Variants in PCNX1 observed in about 807,000 individuals in gnomAD.
The protein encoded by PCNX1 is pecanex-like protein 1.
PCNX1 carries 78 observed loss-of-function variants against 242.2 expected under a neutral mutation model. The ratio of observed to expected loss-of-function variants is 0.32; its 90% CI spans 0.27 to 0.39. PCNX1 has a LOEUF of 0.39. Among genes scored for constraint, PCNX1 ranks in the 10% least tolerant of loss-of-function variants. The pLI is 1.00. For synonymous variants in PCNX1, 1,024 were observed against 1,032.9 expected (o/e 0.99, Z 0.17); for missense variants, 2,581 against 2,856.5 (o/e 0.90, Z 2.20).
chr14:70,954,553 T>G (rs1433127299), intron 2 of PCNX1, among the ~76,000 whole-genome samples: 3 of 152,180 alleles, frequency 2.0e-5, no homozygotes, highest in Non-Finnish European at 4.4e-5. Flanking sequence ...TACCTTTCAG[T>G]AATAGTTTTT....
chr14:70,995,851 A>G lies in PCNX1; in HGVS notation c.2555A>G (p.Asn852Ser). The change falls in exon 8 of 36, where the codon AAT becomes AGT. Residue 852 changes from asparagine to serine, a missense_variant. By Grantham distance (46) the Asn-to-Ser change is conservative. Coordinates refer to ENST00000304743, the MANE Select transcript of PCNX1 (RefSeq NM_014982.3). Reference sequence around the variant, plus strand: ...GCTAGTGCCTCCTTGCTGGTGAGAAATGGGAGTGTCCACTTAGAAGCATCA... The same window carrying G: ...GCTAGTGCCTCCTTGCTGGTGAGAAGTGGGAGTGTCCACTTAGAAGCATCA... ...LSASASLLVR[N>S]GSVHLEASHD... 1 of 1,614,026 alleles carries G rather than the reference A, an allele frequency of 6.2e-7. No individual in the cohort carries two copies. The highest frequency in any genetic ancestry group is 1.1e-5 in the South Asian group (1 of 91,086).
intron 8 of PCNX1, among the ~76,000 whole-genome samples, chr14:71,009,287 C>G (rs1207707762): frequency 6.6e-6 from 1 of 152,192 alleles, no homozygotes; most frequent in African/African-American, 2.4e-5. Flanking sequence ...TACTCACCCC[C>G]TGCAAGTAGT....
intron 26 of PCNX1, chr14:71,060,783 A>G (rs2061307278): frequency 6.6e-6 from 1 of 152,212 alleles, no homozygotes; most frequent in Admixed American, 6.6e-5. Flanking sequence ...TGGAGAAACT[A>G]CTGAAGACCA....
chr14:70,989,194 G>T (rs903481547), intron 7 of PCNX1, among the ~76,000 whole-genome samples: 2 of 151,810 alleles, frequency 1.3e-5, no homozygotes, highest in Non-Finnish European at 2.9e-5. Context: ...CTAAAACTTG[G>T]TGCCTTTTAT....
chr14:71,050,099 A>C (rs1285288001), intron 22 of PCNX1, among the ~76,000 whole-genome samples: 1 of 152,226 alleles, frequency 6.6e-6, no homozygotes, highest in Non-Finnish European at 1.5e-5. Context: ...AGTTTGGGGA[A>C]AATGTGTCTT....
intron 2 of PCNX1, among the ~76,000 whole-genome samples, chr14:70,960,378 T>G (rs1361786207): frequency 6.6e-6 from 1 of 152,018 alleles, no homozygotes; most frequent in Non-Finnish European, 1.5e-5. Flanking sequence ...AACGTTTAAG[T>G]CTTTAATCCA....
At chr14:71,078,588 C>G (rs1458900688) in intron 28 of PCNX1, 1 of 152,196 alleles carries the variant, frequency 6.6e-6, no homozygotes, top group Admixed American at 6.5e-5. Flanking sequence ...AGGGCACACG[C>G]CTTCTCCACC....
intron 26 of PCNX1, among the ~76,000 whole-genome samples, chr14:71,071,607 C>T (rs993040723): frequency 6.6e-6 from 1 of 152,308 alleles, no homozygotes; most frequent in Admixed American, 6.5e-5. Context: ...GCTTCTCCTT[C>T]ACCTTACACC....
Position 70,988,565 on chromosome 14 carries a change from A to C in PCNX1, c.2312-2A>C. Reference sequence around the variant, plus strand: ...GTTTGACCTAAGTCTGTCTTGATGCAGCAGCACAAGCCAGCGAGGAGGCAG... The same window carrying C: ...GTTTGACCTAAGTCTGTCTTGATGCCGCAGCACAAGCCAGCGAGGAGGCAG... On this transcript the variant is annotated splice_acceptor_variant, in intron 6 of 35. Transcript: ENST00000304743. LOFTEE classifies it high-confidence loss of function. 6.2e-7 allele frequency: 1 copy of C among 1,613,840 alleles called. No homozygotes were observed. Among genetic ancestry groups the C allele is most frequent in the Non-Finnish European group, 8.5e-7 (1 of 1,179,776 alleles).
chr14:71,052,217 CT>C (rs780497297), intron 24 of PCNX1, among the ~76,000 whole-genome samples: 1,960 of 142,300 alleles, frequency 0.014, 24 homozygotes, highest in African/African-American at 0.044. Context: ...TCTTTCTTTC[CT>C]TTTTTTTTTT....
intron 11 of PCNX1, among the ~76,000 whole-genome samples, chr14:71,014,627 A>G (rs2059910931): frequency 6.6e-6 from 1 of 152,234 alleles, no homozygotes; most frequent in Non-Finnish European, 1.5e-5. Flanking sequence ...TGCACCTTGT[A>G]GAAGAAAAGA....
At chr14:70,995,060 T>C in intron 7 of PCNX1, among the ~76,000 whole-genome samples, 1 of 152,294 alleles carries the variant, frequency 6.6e-6, no homozygotes, top group East Asian at 1.9e-4. Context: ...TAACTAATAC[T>C]TGTATATAAA....
rs560990823 is a variant in PCNX1 at position 70,937,451 on chromosome 14, C to T, written c.154-9464C>T. ...CAAAGATCAGATAGCTGTAGATGTG[C>T]GGTATTATTTCTGAGGGCTCTGTTC... On this transcript the variant is annotated intron_variant, in intron 1 of 35. Transcript: ENST00000304743. Among the ~76,000 whole-genome samples, 549 of 152,136 alleles carry T rather than the reference C, an allele frequency of 3.6e-3. 1 individual carries two copies. Among genetic ancestry groups the T allele is most frequent in the African/African-American group, 0.013 (525 of 41,528 alleles).
intron 6 of PCNX1, among the ~76,000 whole-genome samples, chr14:70,983,900 CTATT>C (rs1458293468): frequency 6.6e-6 from 1 of 151,320 alleles, no homozygotes; most frequent in Non-Finnish European, 1.5e-5. Context: ...AAGGGAAAAA[CTATT>C]TAGATAAAGT....
At chr14:70,908,285 C>T (rs1308847665) in intron 1 of PCNX1, among the ~76,000 whole-genome samples, 2 of 152,148 alleles carry the variant, frequency 1.3e-5, no homozygotes, top group Non-Finnish European at 2.9e-5. Context: ...GGGTTCCCTC[C>T]TGCGGCCACT....
At chr14:70,959,450 G>T (rs1401109466) in intron 2 of PCNX1, among the ~76,000 whole-genome samples, 1 of 138,958 alleles carries the variant, frequency 7.2e-6, no homozygotes, top group Non-Finnish European at 1.5e-5. Flanking sequence ...TCATTGTTCA[G>T]TTCCCACCTA....
chr14:71,000,180 A>T (rs1005034858), intron 8 of PCNX1, among the ~76,000 whole-genome samples: 1 of 152,222 alleles, frequency 6.6e-6, no homozygotes, highest in South Asian at 2.1e-4. Context: ...ATACTTCATT[A>T]TATTTCAAAA....
intron 1 of PCNX1, 173 bp from the exon 2 acceptor site, chr14:70,946,742 A>C (rs746743056): frequency 1.2e-5 from 7 of 575,762 alleles, no homozygotes; most frequent in Non-Finnish European, 2.1e-5. Flanking sequence ...AGCCACATGT[A>C]GCTAGTGTCT....
chr14:71,031,139 G>A (rs2060370967), intron 16 of PCNX1, among the ~76,000 whole-genome samples: 1 of 152,162 alleles, frequency 6.6e-6, no homozygotes, highest in Non-Finnish European at 1.5e-5. Flanking sequence ...TGGGTGTCTG[G>A]TGAGCTGCTA....
Sources: gnomAD v4.1 joint callset for allele counts (sites outside exome capture counted in the v4.1 genomes callset) on GRCh38, gnomAD v4.1.1 for gene constraint, MANE v1.5 for transcripts, NCBI Gene and HGNC (gene_info 2026-07-23, HGNC 2026-07-21) for gene names.